SEZ6L: variants seen among roughly 807,000 people sequenced by gnomAD.
SEZ6L encodes seizure 6-like protein.
Under a neutral mutation model 106.2 loss-of-function variants are expected in SEZ6L, and 37 were observed. The ratio of observed to expected loss-of-function variants is 0.35; its 90% confidence interval spans 0.27 to 0.46. The LOEUF is 0.46. Among genes scored for constraint, SEZ6L ranks in the 20% least tolerant of loss-of-function variants. The pLI is 1.00. For synonymous variants in SEZ6L, 541 were observed against 570.4 expected (o/e 0.95, Z 0.73); for missense variants, 1,172 against 1,332.8 (o/e 0.88, Z 1.88).
At chr22:26,347,034 A>G (rs2146004534) in intron 10 of SEZ6L, among the ~76,000 whole-genome samples, 1 of 151,866 alleles carries the variant, frequency 6.6e-6, no homozygotes, top group South Asian at 2.1e-4. Flanking sequence ...CTCTACAGAA[A>G]AAAAAAAAAA....
chr22:26,311,413 GCTTTTATCATAGACAGCCCTA>G (rs1404457795), intron 7 of SEZ6L, among the ~76,000 whole-genome samples: 7 of 152,200 alleles, frequency 4.6e-5, no homozygotes, highest in Non-Finnish European at 7.3e-5. Context: ...AGAAAAGCTG[GCTTTTATCATAGACAGCCCTA>G]CAGTTTCCAG....
intron 1 of SEZ6L, among the ~76,000 whole-genome samples, chr22:26,229,634 C>T (rs951548198): frequency 2.0e-5 from 3 of 152,180 alleles, no homozygotes; most frequent in Admixed American, 6.5e-5. Context: ...CTTAATACAA[C>T]TGCACCTCAG....
At chr22:26,189,968 G>C (rs1940073442) in intron 1 of SEZ6L, among the ~76,000 whole-genome samples, 1 of 152,018 alleles carries the variant, frequency 6.6e-6, no homozygotes, top group Non-Finnish European at 1.5e-5. Flanking sequence ...GTGGTGGCGG[G>C]CACCTGTGGT....
At chr22:26,307,519 C>A (rs1247454229) in intron 6 of SEZ6L, among the ~76,000 whole-genome samples, 1 of 151,850 alleles carries the variant, frequency 6.6e-6, no homozygotes, top group Non-Finnish European at 1.5e-5. Context: ...TCCCATACCT[C>A]TTGAGTCCAC....
chr22:26,291,871 C>T (rs1480369108), intron 1 of SEZ6L, among the ~76,000 whole-genome samples: 1 of 152,188 alleles, frequency 6.6e-6, no homozygotes, highest in Non-Finnish European at 1.5e-5. Flanking sequence ...TCCCATCCCC[C>T]TTCCCAGTAC....
At chr22:26,233,875 A>G (rs1411648280) in intron 1 of SEZ6L, among the ~76,000 whole-genome samples, 3 of 152,110 alleles carry the variant, frequency 2.0e-5, no homozygotes, top group Non-Finnish European at 2.9e-5. Flanking sequence ...CTGGGCAGTG[A>G]AGAGGAGCCA....
At chr22:26,310,336 G>A (rs1179177712) in intron 6 of SEZ6L, among the ~76,000 whole-genome samples, 1 of 152,178 alleles carries the variant, frequency 6.6e-6, no homozygotes, top group African/African-American at 2.4e-5. Context: ...AGGAGTTCGA[G>A]ACCAGCCTGG....
At chr22:26,351,914 T>G (rs2083294724) in intron 12 of SEZ6L, among the ~76,000 whole-genome samples, 1 of 151,778 alleles carries the variant, frequency 6.6e-6, no homozygotes. Context: ...ATCCCAGCAC[T>G]GTGGGAGGTC....
chr22:26,178,311 G>T (rs1939157788), intron 1 of SEZ6L, among the ~76,000 whole-genome samples: 2 of 152,192 alleles, frequency 1.3e-5, no homozygotes, highest in Non-Finnish European at 2.9e-5. Flanking sequence ...AAGCAAGCAA[G>T]AGTTAAATGA....
intron 14 of SEZ6L, 49 bp from the exon 15 acceptor site, chr22:26,375,525 TG>T: frequency 6.7e-7 from 1 of 1,494,562 alleles, no homozygotes; most frequent in Non-Finnish European, 9.3e-7. Context: ...GGGCACTCAC[TG>T]GGAGTCAGCT....
At chr22:26,170,352 AG>A (rs1434638996) in intron 1 of SEZ6L, among the ~76,000 whole-genome samples, 1 of 151,876 alleles carries the variant, frequency 6.6e-6, no homozygotes, top group Non-Finnish European at 1.5e-5. Context: ...AGGCCGGTGG[AG>A]GGGGCTGAGG....
At chr22:26,197,245 C>G (rs145796575) in intron 1 of SEZ6L, among the ~76,000 whole-genome samples, 1 of 152,124 alleles carries the variant, frequency 6.6e-6, no homozygotes, top group Non-Finnish European at 1.5e-5. Context: ...ATCTTGTTCC[C>G]TATTGATTCC....
intron 1 of SEZ6L, among the ~76,000 whole-genome samples, chr22:26,178,246 C>T (rs1468868531): frequency 6.6e-6 from 1 of 152,154 alleles, no homozygotes; most frequent in African/African-American, 2.4e-5. Flanking sequence ...CTTCAAGGCA[C>T]CAGCAGATAA....
rs77794081 is a variant in SEZ6L at position 26,270,730 on chromosome 22, C to T, written c.95-21676C>T. Among the ~76,000 whole-genome samples the T allele has an allele frequency of 9.8e-3, 1,490 of 152,244 alleles. 16 individuals carry two copies. Among genetic ancestry groups the T allele is most frequent in the Middle Eastern group, 0.037 (11 of 294 alleles). ...AGGTGGAACAGTGGAGGAGGCATTG[C>T]CTCAAGCTTAAAGCCTGATTGCCTA... On this transcript the variant is annotated intron_variant, in intron 1 of 16. Transcript: ENST00000248933.
At position 26,292,394 on chromosome 22, in the gene SEZ6L, T is replaced by C; in HGVS notation, c.95-12T>C. On this transcript the variant is annotated splice_polypyrimidine_tract_variant and intron_variant, in intron 1 of 16. Transcript: ENST00000248933. The stretch of plus-strand genomic sequence containing the variant: ...TCCCCAAACTAACTGGTGTCTTTTC[T>C]CCTCTTCCAAGATGCTCTTCCCGAG... 1.2e-6 allele frequency: 2 copies of C among 1,600,632 alleles called. No homozygotes were observed. Among genetic ancestry groups the C allele is most frequent in the Non-Finnish European group, 1.7e-6 (2 of 1,171,674 alleles).
At chr22:26,366,846 G>T (rs149642394) in intron 13 of SEZ6L, among the ~76,000 whole-genome samples, 57 of 152,118 alleles carry the variant, frequency 3.7e-4, no homozygotes, top group African/African-American at 1.3e-3. Flanking sequence ...ACAGGGTCTT[G>T]CTATGTTGGC....
chr22:26,308,954 C>T (rs1463071635), intron 6 of SEZ6L, among the ~76,000 whole-genome samples: 7 of 152,160 alleles, frequency 4.6e-5, no homozygotes, highest in African/African-American at 9.7e-5. Context: ...TATGTAGATG[C>T]CCCTTCCCAC....
At chr22:26,326,078 T>C (rs185067941) in intron 9 of SEZ6L, among the ~76,000 whole-genome samples, 1 of 152,254 alleles carries the variant, frequency 6.6e-6, no homozygotes, top group East Asian at 1.9e-4. Flanking sequence ...TGCAGGGGAT[T>C]GTGGTGGTAA....
intron 1 of SEZ6L, among the ~76,000 whole-genome samples, chr22:26,266,396 TA>T (rs1224925819): frequency 0.03 from 3,480 of 114,988 alleles, 116 homozygotes; most frequent in African/African-American, 0.09. Context: ...CCGTCTCTAC[TA>T]AAAAAAAAAA....
Sources: gnomAD v4.1 joint callset for allele counts (sites outside exome capture counted in the v4.1 genomes callset) on GRCh38, gnomAD v4.1.1 for gene constraint, MANE v1.5 for transcripts, NCBI Gene and HGNC (gene_info 2026-07-23, HGNC 2026-07-21) for gene names.